Variants in SHISA6 observed in about 807,000 individuals in gnomAD.
The protein encoded by SHISA6 is shisa family member 6.
In SHISA6, 22 loss-of-function variants were observed where a neutral mutation model predicts 47.9. That is an observed-to-expected ratio of 0.46 (90% CI 0.33 to 0.66). The LOEUF (loss-of-function observed/expected upper bound fraction) is 0.66. Ranked by LOEUF, SHISA6 falls within the 30% of genes least tolerant of loss-of-function variation. The probability of loss-of-function intolerance (pLI) is 0.02; values close to 1 mark genes in which losing one functional copy is unlikely to be tolerated. For missense variants in SHISA6, 680 were observed against 764.6 expected (o/e 0.89, Z 1.30); for synonymous variants, 388 against 337.8 (o/e 1.15, Z -1.63).
intron 1 of SHISA6, among the ~76,000 whole-genome samples, chr17:11,245,892 C>T (rs1212624120): frequency 6.6e-6 from 1 of 152,188 alleles, no homozygotes; most frequent in Non-Finnish European, 1.5e-5. Context: ...TTGTTCTACT[C>T]TTTCTCCCTC....
chr17:11,529,875 A>T (rs1346939165), intron 3 of SHISA6, among the ~76,000 whole-genome samples: 1 of 152,206 alleles, frequency 6.6e-6, no homozygotes, highest in East Asian at 1.9e-4. Flanking sequence ...TATTCAACAA[A>T]TATTCAAACG....
intron 3 of SHISA6, among the ~76,000 whole-genome samples, chr17:11,416,655 G>C (rs1914291605): frequency 6.6e-6 from 1 of 152,006 alleles, no homozygotes; most frequent in Non-Finnish European, 1.5e-5. Flanking sequence ...TTTATGCGTT[G>C]GCTTTTAAAC....
intron 2 of SHISA6, among the ~76,000 whole-genome samples, chr17:11,323,978 C>T (rs1253618702): frequency 1.3e-5 from 2 of 152,140 alleles, no homozygotes; most frequent in South Asian, 4.2e-4. Context: ...ATGTCAAATA[C>T]AGAATGAGGG....
At chr17:11,388,821 T>C (rs1913288336) in intron 3 of SHISA6, among the ~76,000 whole-genome samples, 2 of 102,572 alleles carry the variant, frequency 1.9e-5, no homozygotes, top group Non-Finnish European at 3.8e-5. Flanking sequence ...TATATATATA[T>C]ATATATATAT....
intron 2 of SHISA6, among the ~76,000 whole-genome samples, chr17:11,291,026 T>G (rs1432515483): frequency 6.6e-6 from 1 of 151,394 alleles, no homozygotes; most frequent in African/African-American, 2.4e-5. Flanking sequence ...AATAATTCAA[T>G]TCCATTAATT....
chr17:11,429,066 G>A (rs1309333486), intron 3 of SHISA6, among the ~76,000 whole-genome samples: 2 of 152,142 alleles, frequency 1.3e-5, no homozygotes, highest in Non-Finnish European at 2.9e-5. Flanking sequence ...TAGGATTACA[G>A]GTGTGAGCCA....
At chr17:11,381,935 T>C (rs1488728576) in intron 3 of SHISA6, among the ~76,000 whole-genome samples, 1 of 152,218 alleles carries the variant, frequency 6.6e-6, no homozygotes. Context: ...TGACACCTTC[T>C]CTTTCCAGGA....
chr17:11,275,764 A>G (rs1451671821), intron 2 of SHISA6, among the ~76,000 whole-genome samples: 1 of 152,118 alleles, frequency 6.6e-6, no homozygotes, highest in Non-Finnish European at 1.5e-5. Flanking sequence ...TATGAAGAAG[A>G]GACCAGAGTG....
At chr17:11,326,586 C>T (rs532997011) in intron 2 of SHISA6, among the ~76,000 whole-genome samples, 16 of 152,298 alleles carry the variant, frequency 1.1e-4, no homozygotes, top group Middle Eastern at 3.4e-3. Flanking sequence ...ATTTGGCCAG[C>T]GCCTCAACCT....
At chr17:11,387,440 C>T (rs372719632) in intron 3 of SHISA6, among the ~76,000 whole-genome samples, 136 of 152,218 alleles carry the variant, frequency 8.9e-4, no homozygotes, top group African/African-American at 2.9e-3. Context: ...GCAAACCCAC[C>T]GATCTGAGGA....
At chr17:11,328,217 C>T (rs1031432249) in intron 2 of SHISA6, among the ~76,000 whole-genome samples, 8 of 152,228 alleles carry the variant, frequency 5.3e-5, no homozygotes, top group Non-Finnish European at 1.0e-4. Context: ...GGGCCACACA[C>T]ATGACTGCAG....
chr17:11,253,603 T>A (rs1265047337), intron 1 of SHISA6, among the ~76,000 whole-genome samples: 1 of 152,176 alleles, frequency 6.6e-6, no homozygotes, highest in African/African-American at 2.4e-5. Context: ...AATTTTTATG[T>A]CTGTTTCGTT....
At chr17:11,324,143 G>A (rs1463825499) in intron 2 of SHISA6, among the ~76,000 whole-genome samples, 1 of 152,110 alleles carries the variant, frequency 6.6e-6, no homozygotes, top group Non-Finnish European at 1.5e-5. Flanking sequence ...CCGTCCATCT[G>A]CAGCTCTTCT....
intron 2 of SHISA6, among the ~76,000 whole-genome samples, chr17:11,348,066 G>C (rs943472883): frequency 6.6e-6 from 1 of 152,174 alleles, no homozygotes; most frequent in Non-Finnish European, 1.5e-5. Flanking sequence ...ATAGTGGCTT[G>C]GCAAAGCATA....
chr17:11,253,203 C>T (rs950365678), intron 1 of SHISA6, among the ~76,000 whole-genome samples: 3 of 152,188 alleles, frequency 2.0e-5, no homozygotes, highest in Non-Finnish European at 4.4e-5. Context: ...TTCCTTCTCC[C>T]CTCTCTGTCC....
At position 11,558,909 on chromosome 17, in the gene SHISA6, C is replaced by T. The variant is rs1224001445; in HGVS notation, c.*605C>T. 1 of 154,330 alleles carries T rather than the reference C, an allele frequency of 6.5e-6. No individual in the cohort carries two copies. Among genetic ancestry groups the T allele is most frequent in the East Asian group, 1.9e-4 (1 of 5,194 alleles). The allele number at this position is 154,330 out of a possible 1,614,324, so 9.6% of individuals were successfully genotyped here. On this transcript the variant is annotated 3_prime_UTR_variant, in exon 6 of 6. Transcript: ENST00000441885. ...CTCTGGTCCCCACTGAGTGACCCTT[C>T]CTTTGCTGACCCCTGAGGGCCCAAC...
chr17:11,384,931 C>A (rs1170553115), intron 3 of SHISA6, among the ~76,000 whole-genome samples: 2 of 152,176 alleles, frequency 1.3e-5, no homozygotes, highest in African/African-American at 4.8e-5. Flanking sequence ...GGAGCGATTG[C>A]CCGTTTTTCC....
chr17:11,329,542 G>A (rs1224764606), intron 2 of SHISA6, among the ~76,000 whole-genome samples: 1 of 152,056 alleles, frequency 6.6e-6, no homozygotes. Context: ...AGAAGGGGAT[G>A]GGGTGAAGAG....
Position 11,367,438 on chromosome 17 carries a change from G to C in SHISA6, c.800-11976G>C, listed in dbSNP as rs111890423. Among the ~76,000 whole-genome samples, 779 of 152,298 alleles carry C rather than the reference G, an allele frequency of 5.1e-3. 2 individuals are homozygous for C. The highest frequency in any genetic ancestry group is 8.4e-3 in the Non-Finnish European group (571 of 68,032). ...GCAAGGTCATGAGTTGAAGGGCACA[G>C]AGAACAGGGAACACTGGAGGTTTCA... On this transcript the variant is annotated intron_variant, in intron 2 of 5. Coordinates refer to ENST00000441885, the MANE Select transcript of SHISA6 (RefSeq NM_207386.4).
Sources: gnomAD v4.1 joint callset for allele counts (sites outside exome capture counted in the v4.1 genomes callset) on GRCh38, gnomAD v4.1.1 for gene constraint, MANE v1.5 for transcripts, NCBI Gene and HGNC (gene_info 2026-07-23, HGNC 2026-07-21) for gene names.